RNF13: variants seen among roughly 807,000 people sequenced by gnomAD.
RNF13 encodes the protein ring finger protein 13, also known as E3 ubiquitin-protein ligase RNF13.
A neutral mutation model predicts 37.7 loss-of-function variants in RNF13; 19 were observed. That is an observed-to-expected ratio of 0.50 (90% CI 0.35 to 0.74). RNF13 has a LOEUF of 0.74. Among genes scored for constraint, RNF13 ranks in the 30% least tolerant of loss-of-function variants. The pLI is 0.01. For missense variants in RNF13, 375 were observed against 453.0 expected (o/e 0.83, Z 1.56); for synonymous variants, 144 against 157.8 (o/e 0.91, Z 0.65).
intron 2 of RNF13, among the ~76,000 whole-genome samples, chr3:149,846,350 T>C (rs1312485808): frequency 6.6e-6 from 1 of 152,196 alleles, no homozygotes; most frequent in African/African-American, 2.4e-5. Context: ...TTGCCCAGGC[T>C]GGAGTACATT....
intron 1 of RNF13, among the ~76,000 whole-genome samples, chr3:149,825,487 T>C (rs1028990449): frequency 2.0e-5 from 3 of 152,184 alleles, no homozygotes; most frequent in African/African-American, 7.2e-5. Flanking sequence ...TTGATGCAGA[T>C]GTTGTACATT....
chr3:149,936,652 C>T (rs956618901), intron 8 of RNF13, among the ~76,000 whole-genome samples: 5 of 151,910 alleles, frequency 3.3e-5, no homozygotes, highest in African/African-American at 1.2e-4. Context: ...CCAGGTTTCT[C>T]CAAAATTGCT....
chr3:149,944,010 G>A (rs909473872), intron 8 of RNF13, among the ~76,000 whole-genome samples: 6 of 151,444 alleles, frequency 4.0e-5, no homozygotes, highest in East Asian at 1.9e-4. Flanking sequence ...CCCTTCCTAC[G>A]TCCCAGTGTT....
intron 3 of RNF13, among the ~76,000 whole-genome samples, chr3:149,864,008 ATTTTTTTTTTTTTTT>A (rs535062004): frequency 0.019 from 574 of 29,730 alleles, 11 homozygotes; most frequent in Non-Finnish European, 0.025. Context: ...TTTGATTGGA[ATTTTTTTTTTTTTTT>A]TTTTTTTTTT....
intron 3 of RNF13, among the ~76,000 whole-genome samples, chr3:149,854,203 G>A (rs1233184386): frequency 6.6e-6 from 1 of 151,550 alleles, no homozygotes; most frequent in African/African-American, 2.4e-5. Context: ...TCTGGGAGGG[G>A]CATTGAATTT....
intron 4 of RNF13, among the ~76,000 whole-genome samples, chr3:149,873,305 T>C (rs945476000): frequency 3.3e-5 from 5 of 152,204 alleles, no homozygotes; most frequent in East Asian, 1.9e-4. Context: ...GCTGTTGTTA[T>C]AACTTTCCTT....
intron 5 of RNF13, among the ~76,000 whole-genome samples, chr3:149,896,556 C>T (rs1055757258): frequency 3.3e-5 from 5 of 151,382 alleles, no homozygotes; most frequent in South Asian, 2.1e-4. Flanking sequence ...GTTGGCTCAC[C>T]GCAACCTCTG....
intron 4 of RNF13, among the ~76,000 whole-genome samples, chr3:149,879,654 T>A (rs1370759800): frequency 1.3e-5 from 2 of 152,194 alleles, no homozygotes; most frequent in African/African-American, 4.8e-5. Context: ...CAGATTATAT[T>A]AAATGAGCTG....
intron 1 of RNF13, among the ~76,000 whole-genome samples, chr3:149,826,866 C>A (rs1720554813): frequency 6.6e-6 from 1 of 152,176 alleles, no homozygotes; most frequent in Non-Finnish European, 1.5e-5. Flanking sequence ...AAACGATCCT[C>A]ATGCCTCAGC....
chr3:149,884,483 GT>G (rs371766980), intron 4 of RNF13, among the ~76,000 whole-genome samples: 6 of 149,858 alleles, frequency 4.0e-5, no homozygotes, highest in Admixed American at 6.7e-5. Context: ...TCCAGTAATT[GT>G]TTTTTTTTCC....
At chr3:149,927,891 T>TC (rs2108550762) in intron 8 of RNF13, among the ~76,000 whole-genome samples, 1 of 152,214 alleles carries the variant, frequency 6.6e-6, no homozygotes, top group Admixed American at 6.5e-5. Context: ...TCCCATTCTG[T>TC]CAGTTGTCAC....
chr3:149,878,690 T>C (rs1489608267), intron 4 of RNF13, among the ~76,000 whole-genome samples: 1 of 152,234 alleles, frequency 6.6e-6, no homozygotes, highest in Admixed American at 6.5e-5. Context: ...TTTCTTCTTA[T>C]TTCTTTGGAC....
intron 8 of RNF13, chr3:149,938,978 T>G (rs1344215020): frequency 2.2e-6 from 1 of 459,264 alleles, no homozygotes; most frequent in Non-Finnish European, 4.2e-6. Flanking sequence ...ACAAATTGTT[T>G]AAACTATTTT....
chr3:149,830,057 T>C (rs1378003882), intron 1 of RNF13, among the ~76,000 whole-genome samples: 1 of 142,928 alleles, frequency 7.0e-6, no homozygotes, highest in African/African-American at 2.6e-5. Context: ...GAGCTGTCAG[T>C]CCATTAAACC....
chr3:149,923,918 A>C (rs1718400131), intron 8 of RNF13, among the ~76,000 whole-genome samples: 1 of 152,182 alleles, frequency 6.6e-6, no homozygotes, highest in Non-Finnish European at 1.5e-5. Flanking sequence ...TTAACTGTTA[A>C]AAGGATCCTT....
intron 8 of RNF13, among the ~76,000 whole-genome samples, chr3:149,937,311 C>T (rs1285890239): frequency 6.6e-6 from 1 of 152,084 alleles, no homozygotes; most frequent in Non-Finnish European, 1.5e-5. Flanking sequence ...CTCAGTTTCT[C>T]CAGGATAGGA....
At chr3:149,842,356 G>A (rs1238662022) in intron 1 of RNF13, among the ~76,000 whole-genome samples, 1 of 152,040 alleles carries the variant, frequency 6.6e-6, no homozygotes, top group Non-Finnish European at 1.5e-5. Context: ...TTCATCTGTT[G>A]GCATCCCTAT....
intron 8 of RNF13, among the ~76,000 whole-genome samples, chr3:149,927,334 C>T (rs1011522736): frequency 6.6e-6 from 1 of 152,152 alleles, no homozygotes; most frequent in South Asian, 2.1e-4. Flanking sequence ...CTTTCTCTGG[C>T]GGAATAATAG....
intron 4 of RNF13, among the ~76,000 whole-genome samples, chr3:149,873,843 T>C (rs1712373659): frequency 6.6e-6 from 1 of 152,190 alleles, no homozygotes; most frequent in African/African-American, 2.4e-5. Context: ...TTTTATTGAA[T>C]ATATATATCT....
Sources: gnomAD v4.1 joint callset for allele counts (sites outside exome capture counted in the v4.1 genomes callset) on GRCh38, gnomAD v4.1.1 for gene constraint, MANE v1.5 for transcripts, NCBI Gene and HGNC (gene_info 2026-07-23, HGNC 2026-07-21) for gene names.